Variants in SNTG1 observed in about 807,000 individuals in gnomAD.
The protein encoded by SNTG1 is syntrophin gamma 1.
A neutral mutation model predicts 74.7 loss-of-function variants in SNTG1; 39 were observed. That is an observed-to-expected ratio of 0.52 (90% CI 0.40 to 0.68). The LOEUF is 0.68. Among genes scored for constraint, SNTG1 ranks in the 30% least tolerant of loss-of-function variants. SNTG1 has a pLI of 0.00. For synonymous variants in SNTG1, 254 were observed against 217.1 expected (o/e 1.17, Z -1.49); for missense variants, 685 against 609.5 (o/e 1.12, Z -1.30).
intron 15 of SNTG1, among the ~76,000 whole-genome samples, chr8:50,682,343 G>A (rs1329722255): frequency 1.3e-5 from 2 of 151,842 alleles, no homozygotes; most frequent in African/African-American, 4.8e-5. Flanking sequence ...GTAGTTTGGT[G>A]GGAAGGGCAG....
At chr8:50,502,518 A>C (rs2093969851) in intron 8 of SNTG1, among the ~76,000 whole-genome samples, 1 of 152,212 alleles carries the variant, frequency 6.6e-6, no homozygotes, top group African/African-American at 2.4e-5. Context: ...ATAGAGCATA[A>C]ACTCAGGAAG....
chr8:50,027,607 G>GA (rs1358313573), intron 1 of SNTG1, among the ~76,000 whole-genome samples: 1 of 152,176 alleles, frequency 6.6e-6, no homozygotes, highest in African/African-American at 2.4e-5. Context: ...CAGGAAGCTA[G>GA]AAAAGGCAAG....
intron 1 of SNTG1, among the ~76,000 whole-genome samples, chr8:49,995,639 A>C (rs1563446792): frequency 6.6e-6 from 1 of 152,216 alleles, no homozygotes; most frequent in Non-Finnish European, 1.5e-5. Context: ...AGTGTAAAAG[A>C]ATACTGCAGT....
At chr8:50,502,908 G>A (rs1479460278) in intron 9 of SNTG1, 28 bp downstream of exon 9, 15 of 1,508,162 alleles carry the variant, frequency 9.9e-6, no homozygotes, top group Non-Finnish European at 1.3e-5. Context: ...ATAGATAAAA[G>A]TGCTCACATC....
At chr8:50,752,261 A>G (rs950289846) in intron 18 of SNTG1, 150 bp downstream of exon 18, 1 of 418,828 alleles carries the variant, frequency 2.4e-6, no homozygotes, top group South Asian at 9.4e-5. Context: ...GAATAAACTT[A>G]CTTTAAGATT....
At chr8:50,070,870 G>C (rs1326640164) in intron 1 of SNTG1, among the ~76,000 whole-genome samples, 1 of 152,218 alleles carries the variant, frequency 6.6e-6, no homozygotes, top group African/African-American at 2.4e-5. Flanking sequence ...ATTCTCACTT[G>C]CAAGGTGCCC....
At chr8:50,655,657 C>G (rs183114598) in intron 13 of SNTG1, among the ~76,000 whole-genome samples, 1 of 152,172 alleles carries the variant, frequency 6.6e-6, no homozygotes, top group East Asian at 1.9e-4. Context: ...GGTGAATAAT[C>G]CAATTATTTT....
chr8:49,968,010 C>T (rs977179744), intron 1 of SNTG1, among the ~76,000 whole-genome samples: 11 of 152,268 alleles, frequency 7.2e-5, no homozygotes, highest in African/African-American at 2.6e-4. Context: ...TGCAGTACTT[C>T]AGAGAATCAC....
At chr8:49,965,264 A>T (rs1276391578) in intron 1 of SNTG1, among the ~76,000 whole-genome samples, 1 of 152,204 alleles carries the variant, frequency 6.6e-6, no homozygotes, top group Non-Finnish European at 1.5e-5. Context: ...GATTCTAACA[A>T]ATCTAGTACA....
At chr8:50,709,326 T>C (rs925562798) in intron 17 of SNTG1, 1 of 314,496 alleles carries the variant, frequency 3.2e-6, no homozygotes, top group African/African-American at 2.1e-5. Context: ...ACATGTTTCT[T>C]TATACTTTAC....
chr8:50,478,819 TATTTATTGA>T (rs2093716926), intron 8 of SNTG1, among the ~76,000 whole-genome samples: 1 of 152,178 alleles, frequency 6.6e-6, no homozygotes. Context: ...GAGTTCCATA[TATTTATTGA>T]ATAATTTTGT....
chr8:49,995,240 A>G (rs1436437187), intron 1 of SNTG1, among the ~76,000 whole-genome samples: 1 of 152,236 alleles, frequency 6.6e-6, no homozygotes, highest in African/African-American at 2.4e-5. Context: ...CAGAAAATGA[A>G]AAAAAGAAAG....
chr8:50,238,803 A>C (rs191877070), intron 2 of SNTG1, among the ~76,000 whole-genome samples: 1 of 152,288 alleles, frequency 6.6e-6, no homozygotes, highest in Admixed American at 6.5e-5. Flanking sequence ...CAAGAAGAAA[A>C]CAAACAACCC....
In SNTG1 at chr8:50,796,679, T is replaced by C. The variant is rs942271849; in HGVS notation, c.*3850T>C. The C allele has an allele frequency of 2.0e-5, 3 of 151,990 alleles. No homozygotes were observed. Among genetic ancestry groups the C allele is most frequent in the African/African-American group, 7.2e-5 (3 of 41,430 alleles). 9.4% of individuals were successfully genotyped at this position (151,990 alleles called of 1,614,324 possible). On this transcript the variant is annotated 3_prime_UTR_variant, in exon 19 of 19. Transcript: ENST00000642720. ...AAGCATACTGGAAAATAAAAACAAA[T>C]ACTTTTTACTAGATTTGGGTTTTCA...
chr8:49,993,876 T>C (rs1352472487), intron 1 of SNTG1, among the ~76,000 whole-genome samples: 3 of 152,212 alleles, frequency 2.0e-5, no homozygotes, highest in African/African-American at 7.2e-5. Flanking sequence ...AAGAGTGGTG[T>C]TGATTATTGA....
chr8:50,674,039 G>A (rs1400462966), intron 15 of SNTG1, among the ~76,000 whole-genome samples: 1 of 152,120 alleles, frequency 6.6e-6, no homozygotes, highest in African/African-American at 2.4e-5. Context: ...CTTGATCATG[G>A]TGGGTAAGTT....
At chr8:50,723,236 G>A (rs532612971) in intron 17 of SNTG1, among the ~76,000 whole-genome samples, 4 of 152,152 alleles carry the variant, frequency 2.6e-5, no homozygotes, top group Non-Finnish European at 5.9e-5. Context: ...TCAAATTCCA[G>A]GCTTTAAAAT....
intron 2 of SNTG1, among the ~76,000 whole-genome samples, chr8:50,371,729 T>C (rs543603689): frequency 2.6e-5 from 4 of 152,308 alleles, no homozygotes; most frequent in African/African-American, 7.2e-5. Flanking sequence ...TAGCTGCCTA[T>C]ATATTTATAA....
chr8:50,194,647 C>G (rs1365704462), intron 2 of SNTG1, among the ~76,000 whole-genome samples: 1 of 151,794 alleles, frequency 6.6e-6, no homozygotes, highest in Non-Finnish European at 1.5e-5. Flanking sequence ...TTTTGTACTT[C>G]TTTTGGTTTC....
Sources: allele counts gnomAD v4.1 joint callset (sites outside exome capture counted in the v4.1 genomes callset), GRCh38; gene constraint gnomAD v4.1.1; transcripts MANE v1.5; gene names NCBI Gene and HGNC (gene_info 2026-07-23, HGNC 2026-07-21).